DESI2: variants seen among roughly 807,000 people sequenced by gnomAD.
The protein encoded by DESI2 is deubiquitinase DESI2.
A neutral mutation model predicts 24.1 loss-of-function variants in DESI2; 10 were observed. The ratio of observed to expected loss-of-function variants is 0.41; its 90% CI spans 0.26 to 0.70. DESI2 has a LOEUF of 0.70. DESI2 is among the 30% of genes least tolerant of loss of function. The pLI, the probability that DESI2 is intolerant of heterozygous loss-of-function variation, is 0.29. For missense variants in DESI2, 122 were observed against 234.9 expected (o/e 0.52, Z 3.14); for synonymous variants, 71 against 87.7 (o/e 0.81, Z 1.06).
chr1:244,658,207 C>T (rs892626974), intron 1 of DESI2, among the ~76,000 whole-genome samples: 3 of 152,180 alleles, frequency 2.0e-5, no homozygotes. Flanking sequence ...CTTTCTGAAA[C>T]ATAACCAGGA....
At chr1:244,660,779 C>A (rs907202826) in intron 1 of DESI2, among the ~76,000 whole-genome samples, 18 of 152,162 alleles carry the variant, frequency 1.2e-4, no homozygotes, top group African/African-American at 4.1e-4. Flanking sequence ...TGAAATAAGT[C>A]TTTCCTCTCT....
At position 244,672,357 on chromosome 1, in the gene DESI2, A is replaced by G. The variant is rs116758508; in HGVS notation, c.43-14240A>G. ...CATCTCTCTTGCTGCTGCTCTCGCC[A>G]TGTGACGTGCCTGCTCTCCTTTTGT... On this transcript the variant is annotated intron_variant, in intron 1 of 4. Coordinates refer to ENST00000302550, the MANE Select transcript of DESI2 (RefSeq NM_016076.5). Among the ~76,000 whole-genome samples the G allele has an allele frequency of 2.4e-3, 362 of 152,208 alleles. 1 individual carries two copies. Among genetic ancestry groups the G allele is most frequent in the African/African-American group, 8.4e-3 (348 of 41,538 alleles).
rs1558660353 is a variant in DESI2 at position 244,683,322 on chromosome 1, C to CTTTTTTTTTTTTTTTTTTTTTTT, written c.43-3268_43-3267insTTTTTTTTTTTTTTTTTTTTTTT. On this transcript the variant is annotated intron_variant, in intron 1 of 4. Transcript: ENST00000302550. ...CTTTGCCATATATTATTACTTTTTT[C>CTTTTTTTTTTTTTTTTTTTTTTT]TTTTTTTGAGACAGAGTCTCGCTCT... Among the ~76,000 whole-genome samples, 5 of 151,772 alleles carry CTTTTTTTTTTTTTTTTTTTTTTT rather than the reference C, an allele frequency of 3.3e-5. 1 individual carries two copies. Among genetic ancestry groups the CTTTTTTTTTTTTTTTTTTTTTTT allele is most frequent in the African/African-American group, 1.2e-4 (5 of 41,230 alleles).
In DESI2 at chr1:244,664,589, T is replaced by A. The variant is rs867772337; in HGVS notation, c.42+11234T>A. Reference sequence around the variant, plus strand: ...GGCCCATGCCTGTGATTCCAGCTACTTAAGGGACTGAGATGGGAGGATTGC... The same window carrying A: ...GGCCCATGCCTGTGATTCCAGCTACATAAGGGACTGAGATGGGAGGATTGC... On this transcript the variant is annotated intron_variant, in intron 1 of 4. Transcript: ENST00000302550. 2.6e-5 allele frequency among the ~76,000 whole-genome samples: 4 copies of A among 152,328 alleles called. No individual in the cohort carries two copies. In the Middle Eastern group the frequency reaches 0.01, roughly 389 times the overall value.
intron 1 of DESI2, chr1:244,656,252 A>G (rs1675642822): frequency 6.6e-6 from 1 of 152,082 alleles, no homozygotes; most frequent in East Asian, 1.9e-4. Context: ...TCTTTGTTAG[A>G]TTGTCACCCG....
chr1:244,698,816 C>G (rs1317081523), intron 4 of DESI2, among the ~76,000 whole-genome samples: 1 of 152,198 alleles, frequency 6.6e-6, no homozygotes, highest in Non-Finnish European at 1.5e-5. Context: ...TCCATGGGAA[C>G]CGGCTTCTCT....
intron 2 of DESI2, among the ~76,000 whole-genome samples, chr1:244,688,392 C>A (rs1284631635): frequency 6.6e-6 from 1 of 151,980 alleles, no homozygotes; most frequent in African/African-American, 2.4e-5. Context: ...TTTTTTTGAA[C>A]AGGTCTGAAT....
At chr1:244,667,613 C>A (rs554072102) in intron 1 of DESI2, among the ~76,000 whole-genome samples, 2 of 152,322 alleles carry the variant, frequency 1.3e-5, no homozygotes, top group East Asian at 3.9e-4. Context: ...CATCCTGATT[C>A]CAGGTTGTAC....
At chr1:244,698,937 C>A (rs545114224) in intron 4 of DESI2, among the ~76,000 whole-genome samples, 1 of 152,302 alleles carries the variant, frequency 6.6e-6, no homozygotes, top group East Asian at 1.9e-4. Flanking sequence ...GAGGGGAAAG[C>A]ATATCACTAG....
At chr1:244,674,939 G>A (rs1676366392) in intron 1 of DESI2, among the ~76,000 whole-genome samples, 1 of 152,150 alleles carries the variant, frequency 6.6e-6, no homozygotes, top group East Asian at 1.9e-4. Context: ...CTGCCAAACT[G>A]TTTTCCAAGG....
At position 244,653,253 on chromosome 1, in the gene DESI2, G is replaced by T; in HGVS notation, c.-61G>T. ...CTGAAGCGCCCGCGGGGGTGAGAGC[G>T]GCCTCCGGCCCCGCGGAGACGGAGC... On this transcript the variant is annotated 5_prime_UTR_variant, in exon 1 of 5. Coordinates refer to ENST00000302550, the MANE Select transcript of DESI2 (RefSeq NM_016076.5). The T allele has an allele frequency of 6.9e-7, 1 of 1,441,202 alleles. No homozygotes were observed. Among genetic ancestry groups the T allele is most frequent in the Non-Finnish European group, 9.1e-7 (1 of 1,095,558 alleles). 89.3% of individuals were successfully genotyped at this position (1,441,202 alleles called of 1,614,324 possible). A position where few individuals can be genotyped will look rare whatever the true frequency, so the allele number is the denominator to read the frequency against.
chr1:244,670,250 C>G (rs1395368626), intron 1 of DESI2, among the ~76,000 whole-genome samples: 1 of 152,210 alleles, frequency 6.6e-6, no homozygotes, highest in Non-Finnish European at 1.5e-5. Flanking sequence ...TGCCACCACA[C>G]CCGGCAGAAT....
intron 4 of DESI2, among the ~76,000 whole-genome samples, chr1:244,702,373 G>A (rs1229709250): frequency 6.6e-6 from 1 of 152,168 alleles, no homozygotes; most frequent in Admixed American, 6.5e-5. Flanking sequence ...AGTTAGCCAG[G>A]TGTGGTGGTG....
intron 4 of DESI2, among the ~76,000 whole-genome samples, chr1:244,700,628 C>A (rs972694251): frequency 6.6e-6 from 1 of 152,168 alleles, no homozygotes; most frequent in African/African-American, 2.4e-5. Context: ...CTCACCCCCA[C>A]CAGTAGATGA....
chr1:244,693,243 G>C (rs1237293404), intron 4 of DESI2, among the ~76,000 whole-genome samples: 1 of 152,102 alleles, frequency 6.6e-6, no homozygotes, highest in Non-Finnish European at 1.5e-5. Flanking sequence ...TACTTCCTCT[G>C]GTTCTAATTC....
At chr1:244,683,101 C>T (rs1195703229) in intron 1 of DESI2, among the ~76,000 whole-genome samples, 1 of 152,072 alleles carries the variant, frequency 6.6e-6, no homozygotes, top group East Asian at 1.9e-4. Context: ...GCTAAACCAA[C>T]CTAACACATT....
chr1:244,694,748 A>G (rs1012844180), intron 4 of DESI2: 7 of 617,390 alleles, frequency 1.1e-5, no homozygotes, highest in Non-Finnish European at 2.0e-5. Context: ...GACCAGAGAG[A>G]TTCATTAAGT....
At chr1:244,691,146 T>C (rs1487006200) in intron 3 of DESI2, among the ~76,000 whole-genome samples, 1 of 152,196 alleles carries the variant, frequency 6.6e-6, no homozygotes, top group Non-Finnish European at 1.5e-5. Context: ...TGGAGTACAG[T>C]GGTACGATCT....
rs1420256043 is a variant in DESI2 at position 244,691,923 on chromosome 1, T to C, written c.254T>C (p.Ile85Thr). The C allele has an allele frequency of 1.2e-6, 2 of 1,600,724 alleles. No individual in the cohort carries two copies. Among genetic ancestry groups the C allele is most frequent in the Non-Finnish European group, 1.7e-6 (2 of 1,177,038 alleles). ...AGCACGGACTTCCTAGAAGATGATATAGAAAAAATTGTAGAAGAACTGGGA... is the reference window on the plus strand; with the variant it reads ...AGCACGGACTTCCTAGAAGATGATACAGAAAAAATTGTAGAAGAACTGGGA... Reference protein sequence around the residue: ...LGSTDFLEDDIEKIVEELGKE... With the variant: ...LGSTDFLEDDTEKIVEELGKE... The change falls in exon 4 of 5, where the codon ATA becomes ACA. Residue 85 changes from isoleucine to threonine, a missense_variant. Ile to Thr is a moderately conservative substitution (Grantham distance 89). This residue lies in a region of DESI2 where 23 missense variants were observed against 28.5 expected (regional missense o/e 0.81). Coordinates refer to ENST00000302550, the MANE Select transcript of DESI2 (RefSeq NM_016076.5).
Sources: allele counts gnomAD v4.1 joint callset (sites outside exome capture counted in the v4.1 genomes callset), GRCh38; gene constraint gnomAD v4.1.1; regional missense constraint gnomAD v4.1.1; transcripts MANE v1.5; gene names NCBI Gene and HGNC (gene_info 2026-07-23, HGNC 2026-07-21).